The following B3GALT1 variants were observed in gnomAD, a reference collection of about 807,000 sequenced individuals.
B3GALT1 encodes the protein beta-1,3-galactosyltransferase 1, also known as UDP-Gal:betaGlcNAc beta 1,3-galactosyltransferase, polypeptide 1.
Under a neutral mutation model 23.2 loss-of-function variants are expected in B3GALT1, and 10 were observed. The ratio of observed to expected loss-of-function variants is 0.43; its 90% CI spans 0.27 to 0.73. B3GALT1 has a LOEUF of 0.73. Ranked by LOEUF, B3GALT1 falls within the 30% of genes least tolerant of loss-of-function variation. The pLI is 0.21. For missense variants in B3GALT1, 299 were observed against 405.4 expected, an observed-to-expected ratio of 0.74 and a Z score of 2.25; for synonymous variants, 156 against 141.5, an observed-to-expected ratio of 1.10 and a Z score of -0.73.
At chr2:167,775,978 A>G (rs13010084) in intron 3 of B3GALT1, among the ~76,000 whole-genome samples, 1 of 151,532 alleles carries the variant, frequency 6.6e-6, no homozygotes, top group Non-Finnish European at 1.5e-5. Context: ...ACCCCAAACA[A>G]CAAACAACCA....
At chr2:167,564,606 A>G (rs1002778457) in intron 2 of B3GALT1, among the ~76,000 whole-genome samples, 56 of 152,314 alleles carry the variant, frequency 3.7e-4, no homozygotes, top group Middle Eastern at 3.4e-3. Context: ...TCCGTCTGCA[A>G]TCCCGGCACC....
chr2:167,546,705 T>G (rs1032944677), intron 2 of B3GALT1, among the ~76,000 whole-genome samples: 5 of 152,196 alleles, frequency 3.3e-5, no homozygotes, highest in African/African-American at 1.2e-4. Context: ...AGTATAAGGT[T>G]TCTGCTTAAT....
intron 4 of B3GALT1, among the ~76,000 whole-genome samples, chr2:167,856,375 G>T (rs986577017): frequency 4.6e-5 from 7 of 152,134 alleles, no homozygotes; most frequent in Admixed American, 6.6e-5. Flanking sequence ...AAGTGCATTG[G>T]TCTCTGATCC....
At chr2:167,489,722 A>T (rs1472854858) in intron 1 of B3GALT1, among the ~76,000 whole-genome samples, 1 of 152,138 alleles carries the variant, frequency 6.6e-6, no homozygotes, top group Non-Finnish European at 1.5e-5. Flanking sequence ...TTAGGAACCA[A>T]ATGTGTTAGT....
chr2:167,425,997 T>A (rs1375414226), intron 1 of B3GALT1, among the ~76,000 whole-genome samples: 1 of 152,192 alleles, frequency 6.6e-6, no homozygotes, highest in African/African-American at 2.4e-5. Context: ...AGCTAAGGCA[T>A]GTAACCTATA....
intron 2 of B3GALT1, among the ~76,000 whole-genome samples, chr2:167,578,623 C>T (rs1332651411): frequency 6.6e-6 from 1 of 151,560 alleles, no homozygotes; most frequent in South Asian, 2.1e-4. Context: ...ACCAAAGCAA[C>T]CAAAATGTTC....
chr2:167,373,109 A>C (rs1463711948), intron 1 of B3GALT1, among the ~76,000 whole-genome samples: 1 of 152,160 alleles, frequency 6.6e-6, no homozygotes, highest in Non-Finnish European at 1.5e-5. Context: ...TTCTAAGATA[A>C]TTCCACTGAG....
intron 2 of B3GALT1, among the ~76,000 whole-genome samples, chr2:167,566,261 A>G (rs1049713563): frequency 7.9e-5 from 12 of 152,072 alleles, no homozygotes; most frequent in Non-Finnish European, 1.6e-4. Flanking sequence ...AGAAAAAACC[A>G]AACACCGCAT....
chr2:167,823,061 T>C (rs1461198682), intron 4 of B3GALT1, among the ~76,000 whole-genome samples: 2 of 152,042 alleles, frequency 1.3e-5, no homozygotes, highest in Non-Finnish European at 2.9e-5. Context: ...AGGAAGGAGG[T>C]ATGCCTCCTC....
chr2:167,293,229 G>T lies in B3GALT1; in HGVS notation c.-616G>T, dbSNP rs934809685. 1 of 152,094 alleles carries T rather than the reference G, an allele frequency of 6.6e-6. No homozygotes were observed. Among genetic ancestry groups the T allele is most frequent in the Non-Finnish European group, 1.5e-5 (1 of 68,010 alleles). The allele number at this position is 152,094 out of a possible 1,614,324, so 9.4% of individuals were successfully genotyped here. A position where few individuals can be genotyped will look rare whatever the true frequency, so the allele number is the denominator to read the frequency against. On this transcript the variant is annotated 5_prime_UTR_variant, in exon 1 of 5. Transcript: ENST00000392690. The stretch of plus-strand genomic sequence containing the variant: ...CGGCAGAGAAGTGATGCTGGCGCCG[G>T]GGATCGGGGCAGCGGCAGCGGAGCA...
rs561299300 is a variant in B3GALT1, at chr2:167,465,862, T to G, written c.-510-24315T>G. Among the ~76,000 whole-genome samples, 251 of 152,224 alleles carry G rather than the reference T, an allele frequency of 1.6e-3. 1 individual carries two copies. Among genetic ancestry groups the G allele is most frequent in the African/African-American group, 5.4e-3 (225 of 41,538 alleles). ...GAAAGTGGACAATTTGAGGAAGATG[T>G]GAGTTGATTTTCCTCTTCTTTTCAA... On this transcript the variant is annotated intron_variant, in intron 1 of 4. Coordinates refer to ENST00000392690, the MANE Select transcript of B3GALT1 (RefSeq NM_020981.4).
At chr2:167,443,136 T>C (rs1404997885) in intron 1 of B3GALT1, among the ~76,000 whole-genome samples, 3 of 151,982 alleles carry the variant, frequency 2.0e-5, no homozygotes, top group Non-Finnish European at 4.4e-5. Context: ...TAGGGAATCC[T>C]TTCCCCATTG....
intron 1 of B3GALT1, among the ~76,000 whole-genome samples, chr2:167,332,016 T>A (rs1192955794): frequency 6.6e-6 from 1 of 152,184 alleles, no homozygotes; most frequent in African/African-American, 2.4e-5. Context: ...GTGGGGGCTA[T>A]GTTCGCTAAA....
chr2:167,318,581 T>TATTCTATATATTATTCTATATAAAGA (rs1315552358), intron 1 of B3GALT1, among the ~76,000 whole-genome samples: 2 of 152,166 alleles, frequency 1.3e-5, no homozygotes, highest in African/African-American at 4.8e-5. Context: ...TATATAAGGT[T>TATTCTATATATTATTCTATATAAAGA]ATAAAGTTAT....
At chr2:167,414,515 A>T (rs923337851) in intron 1 of B3GALT1, among the ~76,000 whole-genome samples, 21 of 152,296 alleles carry the variant, frequency 1.4e-4, no homozygotes, top group African/African-American at 5.1e-4. Context: ...TTCTTGGTTC[A>T]GTGCTTTTTA....
At chr2:167,739,315 C>T (rs370512920) in intron 3 of B3GALT1, among the ~76,000 whole-genome samples, 12 of 152,116 alleles carry the variant, frequency 7.9e-5, no homozygotes, top group African/African-American at 2.9e-4. Context: ...TTAAATAATC[C>T]CTCAGATGAA....
intron 4 of B3GALT1, among the ~76,000 whole-genome samples, chr2:167,824,280 A>G (rs1239000943): frequency 1.3e-5 from 2 of 152,250 alleles, no homozygotes; most frequent in African/African-American, 4.8e-5. Flanking sequence ...ATGGCACAGA[A>G]TGATAGGATC....
intron 2 of B3GALT1, among the ~76,000 whole-genome samples, chr2:167,497,997 G>A (rs894699546): frequency 6.6e-6 from 1 of 152,086 alleles, no homozygotes; most frequent in African/African-American, 2.4e-5. Flanking sequence ...GTGCCAACAA[G>A]TTTGAAAGCC....
intron 1 of B3GALT1, among the ~76,000 whole-genome samples, chr2:167,362,390 T>G (rs955402349): frequency 6.6e-6 from 1 of 152,220 alleles, no homozygotes; most frequent in Non-Finnish European, 1.5e-5. Flanking sequence ...CATTTACTTC[T>G]TGTCACTCTG....
Sources: allele counts gnomAD v4.1 joint callset (sites outside exome capture counted in the v4.1 genomes callset), GRCh38; gene constraint gnomAD v4.1.1; transcripts MANE v1.5; gene names NCBI Gene and HGNC (gene_info 2026-07-23, HGNC 2026-07-21).